The following MAST3 variants were observed in gnomAD, a reference collection of about 807,000 sequenced individuals.
The protein encoded by MAST3 is microtubule-associated serine/threonine-protein kinase 3.
MAST3 carries 43 observed loss-of-function variants against 127.0 expected under a neutral mutation model. The observed-to-expected ratio is 0.34, with a 90% CI of 0.27 to 0.44. The LOEUF is 0.44. MAST3 is among the 20% of genes least tolerant of loss of function. The pLI, the probability that MAST3 is intolerant of heterozygous loss-of-function variation, is 1.00. For synonymous variants in MAST3, 785 were observed against 809.2 expected (o/e 0.97, Z 0.51); for missense variants, 1,390 against 1,919.1 (o/e 0.72, Z 5.15).
intron 15 of MAST3, among the ~76,000 whole-genome samples, chr19:18,133,027 C>T (rs1287523036): frequency 1.3e-5 from 2 of 151,390 alleles, no homozygotes; most frequent in Non-Finnish European, 2.9e-5. Flanking sequence ...CTCTTGAACC[C>T]GGCGGAGGTT....
chr19:18,118,894 G>A (rs2039621829), intron 3 of MAST3, among the ~76,000 whole-genome samples: 4 of 152,100 alleles, frequency 2.6e-5, no homozygotes, highest in Non-Finnish European at 4.4e-5. Flanking sequence ...AAGTCTGGGC[G>A]GTGGGACCAG....
Position 18,123,646 on chromosome 19 carries a change from G to A in MAST3, c.624G>A (p.Arg208=). Residue 208 remains arginine, a synonymous_variant, in exon 8 of 28, where the codon AGG becomes AGA. Transcript: ENST00000687212. Reference sequence around the variant, plus strand: ...TGATGAATCACGTGTACCGGGAGAGGTTCCCCAAGGTGGGCAGCGCCTGGC... The same window carrying A: ...TGATGAATCACGTGTACCGGGAGAGATTCCCCAAGGTGGGCAGCGCCTGGC... The part of the protein sequence containing the change: ...IVMMNHVYRE[R]FPKATAQMEG... The A allele has an allele frequency of 1.3e-6, 2 of 1,579,894 alleles. No homozygotes were observed. Among genetic ancestry groups the A allele is most frequent in the Non-Finnish European group, 8.6e-7 (1 of 1,164,286 alleles).
chr19:18,122,267 C>A, intron 5 of MAST3: 2 of 382,850 alleles, frequency 5.2e-6, no homozygotes, highest in Non-Finnish European at 7.2e-6. Flanking sequence ...GCTTGCATTT[C>A]ATTTATTTAT....
intron 18 of MAST3, among the ~76,000 whole-genome samples, chr19:18,136,240 G>T (rs2041881034): frequency 1.3e-5 from 2 of 152,158 alleles, no homozygotes; most frequent in African/African-American, 4.8e-5. Flanking sequence ...CATGACTGAG[G>T]CTTTGCTATG....
intron 19 of MAST3, 89 bp from the exon 20 acceptor site, chr19:18,138,926 A>G (rs2042158679): frequency 3.4e-6 from 3 of 875,388 alleles, no homozygotes; most frequent in South Asian, 2.9e-5. Flanking sequence ...CAGTGACCCT[A>G]TCCTGAGATG....
intron 3 of MAST3, among the ~76,000 whole-genome samples, chr19:18,120,251 GAGA>G (rs146196037): frequency 0.016 from 2,461 of 152,268 alleles, 79 homozygotes; most frequent in African/African-American, 0.056. Context: ...GGGGCATCTT[GAGA>G]AGAAGGAGGG....
chr19:18,120,837 TCAG>T (rs1167401439), intron 3 of MAST3, among the ~76,000 whole-genome samples: 1 of 152,170 alleles, frequency 6.6e-6, no homozygotes, highest in African/African-American at 2.4e-5. Flanking sequence ...TTCTCCTGCC[TCAG>T]CCTACCAAGT....
At position 18,149,852 on chromosome 19, in the gene MAST3, C is replaced by G. The variant is rs530842381; in HGVS notation, c.*126C>G. The G allele has an allele frequency of 2.2e-6, 3 of 1,380,858 alleles. No individual in the cohort carries two copies. In the African/African-American group the frequency reaches 4.4e-5, roughly 20 times the overall value. 85.5% of individuals were successfully genotyped at this position (1,380,858 alleles called of 1,614,324 possible). A position where few individuals can be genotyped will look rare whatever the true frequency, so the allele number is the denominator to read the frequency against. On this transcript the variant is annotated 3_prime_UTR_variant, in exon 28 of 28. Coordinates refer to ENST00000687212, the MANE Select transcript of MAST3 (RefSeq NM_001393504.1). The surrounding 1 kb of genome is among the most constrained non-coding windows in gnomAD (Gnocchi z 5.9). ...ACACCCAGAAGGCGAGAAGCCATCT[C>G]GGTCCTTGCTGGAAGGTGGAGACAT...
At chr19:18,132,115 A>G (rs1338866401) in intron 15 of MAST3, 68 bp downstream of exon 15, 16 of 1,589,346 alleles carry the variant, frequency 1.0e-5, no homozygotes, top group South Asian at 2.3e-5. Flanking sequence ...GGCGGGGCCA[A>G]AGAGGATCAG....
At chr19:18,142,437 C>T (rs1165159971) in intron 21 of MAST3, among the ~76,000 whole-genome samples, 2 of 150,312 alleles carry the variant, frequency 1.3e-5, no homozygotes, top group African/African-American at 2.5e-5. Flanking sequence ...CTGCAAGCTC[C>T]GCCTCCCGGG....
chr19:18,113,954 CACA>C (rs2038941072), intron 3 of MAST3, among the ~76,000 whole-genome samples: 1 of 152,228 alleles, frequency 6.6e-6, no homozygotes, highest in Non-Finnish European at 1.5e-5. Flanking sequence ...TGGCTCCAGC[CACA>C]TGGCTGATCC....
At position 18,137,331 on chromosome 19, in the gene MAST3, G is replaced by A. The variant is rs375004671; in HGVS notation, c.2065G>A (p.Glu689Lys). The change falls in exon 19 of 28, where the codon GAA (glutamate) becomes AAA (lysine). Residue 689 changes from glutamate (E) to lysine (K), a missense_variant. Coordinates refer to ENST00000687212, the MANE Select transcript of MAST3 (RefSeq NM_001393504.1). ...RHKAEFVPQL[E>K]AEDDTSYFDT... ...CAAAGCCGAGTTCGTGCCCCAGCTC[G>A]AAGCTGAGGATGATACCAGCTACTT... The A allele has an allele frequency of 4.1e-5, 66 of 1,613,746 alleles. No individual in the cohort carries two copies. The highest frequency in any genetic ancestry group is 1.6e-4 in the Middle Eastern group (1 of 6,084).
rs759549555 is a variant in MAST3 at position 18,134,912 on chromosome 19, T to C, written c.1800T>C (p.Tyr600=). 3 of 1,614,000 alleles carry C rather than the reference T, an allele frequency of 1.9e-6. No homozygotes were observed. The highest frequency in any genetic ancestry group is 1.6e-4 in the Middle Eastern group (1 of 6,062). ...GGTGGGCCATGGGCGTCGTCCTCTA[T>C]GAGTTTCTGGTGGGCTGCGTGCCTT... ...VDWWAMGVVL[Y]EFLVGCVPFF... The change falls in exon 17 of 28, where the codon TAT becomes TAC. Residue 600 remains tyrosine, a synonymous_variant. Coordinates refer to ENST00000687212, the MANE Select transcript of MAST3 (RefSeq NM_001393504.1).
At position 18,135,002 on chromosome 19, in the gene MAST3, CT is replaced by C. The variant is rs767088716; in HGVS notation, c.1870+21del. On this transcript the variant is annotated intron_variant, in intron 17 of 27. Transcript: ENST00000687212. Reference sequence around the variant, plus strand: ...TCAGCGGTGCGTTTCCTCCACGGGCCTGGGTTTGAGCTGCAGCCCCACCAGA... The same window carrying C: ...TCAGCGGTGCGTTTCCTCCACGGGCCGGGTTTGAGCTGCAGCCCCACCAGA... 94 of 1,578,728 alleles carry C rather than the reference CT, an allele frequency of 6.0e-5. No homozygotes were observed. In the South Asian group the frequency reaches 1.1e-3, roughly 18 times the overall value.
intron 3 of MAST3, among the ~76,000 whole-genome samples, chr19:18,119,813 A>G (rs1163664831): frequency 6.6e-6 from 1 of 152,110 alleles, no homozygotes; most frequent in Non-Finnish European, 1.5e-5. Context: ...TCCTTTGATG[A>G]TCATACGCTT....
At chr19:18,098,982 C>A in intron 1 of MAST3, 1 of 322,758 alleles carries the variant, frequency 3.1e-6, no homozygotes, top group Middle Eastern at 1.2e-3. Context: ...AGGAGGCAGC[C>A]AAGGGTGGCG....
intron 9 of MAST3, 35 bp from the exon 10 acceptor site, chr19:18,124,230 G>A (rs1271512465): frequency 1.3e-6 from 2 of 1,592,188 alleles, no homozygotes; most frequent in Non-Finnish European, 1.7e-6. Flanking sequence ...CGGTGCTGAG[G>A]ACCTGTGGGT....
At chr19:18,142,210 G>A (rs941606178) in intron 21 of MAST3, among the ~76,000 whole-genome samples, 195 bp downstream of exon 21, 3 of 152,242 alleles carry the variant, frequency 2.0e-5, no homozygotes, top group Non-Finnish European at 4.4e-5. Context: ...TAAAACAGCT[G>A]TGTACCATCA....
chr19:18,134,161 G>A (rs2147469643), intron 15 of MAST3, among the ~76,000 whole-genome samples: 1 of 152,070 alleles, frequency 6.6e-6, no homozygotes, highest in East Asian at 1.9e-4. Flanking sequence ...CTGAGATCAG[G>A]AGTTCAAGAC....
Sources: allele counts gnomAD v4.1 joint callset (sites outside exome capture counted in the v4.1 genomes callset), GRCh38; gene constraint gnomAD v4.1.1; non-coding constraint Gnocchi (gnomAD v3.1); transcripts MANE v1.5; gene names NCBI Gene and HGNC (gene_info 2026-07-23, HGNC 2026-07-21).